PEBP4: variants seen among roughly 807,000 people sequenced by gnomAD.
The protein encoded by PEBP4 is phosphatidylethanolamine binding protein 4.
In PEBP4, 22 loss-of-function variants were observed where a neutral mutation model predicts 23.9. The ratio of observed to expected loss-of-function variants is 0.92; its 90% CI spans 0.66 to 1.31. The LOEUF (loss-of-function observed/expected upper bound fraction) is 1.31, where lower values mean the gene tolerates loss of function less well. Among genes scored for constraint, PEBP4 ranks in the 40% most tolerant of loss-of-function variants. The probability of loss-of-function intolerance (pLI) is 0.00; values close to 1 mark genes in which losing one functional copy is unlikely to be tolerated. For synonymous variants in PEBP4, 112 were observed against 99.3 expected (o/e 1.13, Z -0.76); for missense variants, 324 against 281.7 (o/e 1.15, Z -1.07).
intron 3 of PEBP4, among the ~76,000 whole-genome samples, chr8:22,882,459 A>G (rs1361818041): frequency 1.3e-5 from 2 of 152,170 alleles, no homozygotes; most frequent in Admixed American, 1.3e-4. Flanking sequence ...GGTGGTGTGG[A>G]GAATGTACCA....
intron 4 of PEBP4, among the ~76,000 whole-genome samples, chr8:22,794,097 C>T (rs569534514): frequency 6.6e-6 from 1 of 152,052 alleles, no homozygotes; most frequent in South Asian, 2.1e-4. Context: ...TTTTTCATAT[C>T]TTTATATTGT....
At chr8:22,924,634 A>G in intron 2 of PEBP4, 3 of 983,576 alleles carry the variant, frequency 3.1e-6, no homozygotes, top group Non-Finnish European at 3.6e-6. Flanking sequence ...GGAGCTTTTC[A>G]ACACCAAAAA....
Position 22,927,711 on chromosome 8 carries a change from C to T in PEBP4, c.4G>A (p.Gly2Ser). The change falls in exon 2 of 7, where the codon GGT (glycine) becomes AGT (serine). Residue 2 changes from glycine (G) to serine (S), a missense_variant. Gly to Ser is a moderately conservative substitution (Grantham distance 56). Coordinates refer to ENST00000256404, the MANE Select transcript of PEBP4 (RefSeq NM_144962.3). ...GCTGTGACCAGCCTCATTGTCCAAC[C>T]CATGGGCACCTGGAACAGAAAGAAC... is the stretch of plus-strand genomic sequence containing the variant. MGWTMRLVTAAL... is the reference protein window; with the variant it reads MSWTMRLVTAAL... The T allele has an allele frequency of 1.2e-6, 2 of 1,613,558 alleles. No homozygotes were observed. Among genetic ancestry groups the T allele is most frequent in the Non-Finnish European group, 1.7e-6 (2 of 1,179,712 alleles).
intron 4 of PEBP4, among the ~76,000 whole-genome samples, chr8:22,779,977 G>C (rs1805883999): frequency 6.6e-6 from 1 of 151,220 alleles, no homozygotes; most frequent in Admixed American, 6.6e-5. Context: ...TTGAGACAGG[G>C]TCTCACTGTT....
upstream of PEBP4, among the ~76,000 whole-genome samples, chr8:22,930,369 A>G (rs1335590922): frequency 6.6e-6 from 1 of 151,914 alleles, no homozygotes; most frequent in Non-Finnish European, 1.5e-5. Flanking sequence ...TGCTTTCTTC[A>G]TTATTCTCAT....
intron 3 of PEBP4, among the ~76,000 whole-genome samples, chr8:22,872,542 T>C (rs1294651940): frequency 1.3e-5 from 2 of 152,212 alleles, no homozygotes; most frequent in Non-Finnish European, 2.9e-5. Flanking sequence ...AAGTCTTTTG[T>C]TCAGTACGTG....
At chr8:22,792,209 C>T (rs191824635) in intron 4 of PEBP4, among the ~76,000 whole-genome samples, 52 of 152,190 alleles carry the variant, frequency 3.4e-4, no homozygotes, top group African/African-American at 1.2e-3. Flanking sequence ...TCTGTGTGGA[C>T]AGTCACAGAG....
chr8:22,843,243 G>A (rs1251513137), intron 3 of PEBP4, among the ~76,000 whole-genome samples: 1 of 152,184 alleles, frequency 6.6e-6, no homozygotes, highest in Admixed American at 6.5e-5. Flanking sequence ...GATTACAGGT[G>A]TAAGCCACTG....
chr8:22,784,623 A>G (rs987704255), intron 4 of PEBP4, among the ~76,000 whole-genome samples: 1 of 152,226 alleles, frequency 6.6e-6, no homozygotes, highest in Non-Finnish European at 1.5e-5. Flanking sequence ...GGAGAAGCTA[A>G]TTAACAAACC....
intron 3 of PEBP4, among the ~76,000 whole-genome samples, chr8:22,860,071 C>T (rs2128768496): frequency 7.3e-6 from 1 of 136,640 alleles, no homozygotes; most frequent in Non-Finnish European, 1.5e-5. Flanking sequence ...GAGCTATGAT[C>T]ATGTCACTGC....
At chr8:22,787,492 C>T (rs1418321097) in intron 4 of PEBP4, among the ~76,000 whole-genome samples, 1 of 152,212 alleles carries the variant, frequency 6.6e-6, no homozygotes, top group Non-Finnish European at 1.5e-5. Flanking sequence ...TGTCCCATGG[C>T]ACCCATACCC....
chr8:22,887,923 G>A (rs938754033), intron 3 of PEBP4: 1 of 152,162 alleles, frequency 6.6e-6, no homozygotes, highest in African/African-American at 2.4e-5. Context: ...TGGGAGGGAG[G>A]TTAGCTTTTC....
At chr8:22,715,606 C>T (rs1488667732) in intron 6 of PEBP4, among the ~76,000 whole-genome samples, 1 of 152,202 alleles carries the variant, frequency 6.6e-6, no homozygotes, top group South Asian at 2.1e-4. Flanking sequence ...GAGTCCAGAG[C>T]GAGAGCTGGC....
chr8:22,918,924 TGTGTGCACATGTGCACACATGTGCAC>T (rs1034125664), intron 3 of PEBP4, among the ~76,000 whole-genome samples: 31 of 139,234 alleles, frequency 2.2e-4, no homozygotes, highest in African/African-American at 6.9e-4. Flanking sequence ...TGCAAGTGTG[TGTGTGCACATGTGCACACATGTGCAC>T]GTGTGCACTT....
At chr8:22,926,112 A>G (rs927686699) in intron 2 of PEBP4, among the ~76,000 whole-genome samples, 2 of 151,822 alleles carry the variant, frequency 1.3e-5, no homozygotes, top group African/African-American at 4.8e-5. Context: ...AGTAGCTGGG[A>G]TTACAGGTGT....
intron 4 of PEBP4, 110 bp from the exon 5 acceptor site, chr8:22,727,330 G>T (rs62494329): frequency 1.9e-6 from 2 of 1,028,926 alleles, no homozygotes; most frequent in South Asian, 1.4e-5. Context: ...GGAGAGGAAG[G>T]AGGATGGGAG....
At chr8:22,778,414 C>T (rs977345570) in intron 4 of PEBP4, among the ~76,000 whole-genome samples, 2 of 146,530 alleles carry the variant, frequency 1.4e-5, no homozygotes, top group Non-Finnish European at 3.0e-5. Flanking sequence ...GATGGAGTTT[C>T]GCTCTTGTTG....
intron 6 of PEBP4, among the ~76,000 whole-genome samples, chr8:22,716,589 T>C (rs1804424264): frequency 6.6e-6 from 1 of 152,206 alleles, no homozygotes; most frequent in Admixed American, 6.6e-5. Flanking sequence ...TGACAGTCAC[T>C]CTCTCCACCC....
intron 4 of PEBP4, among the ~76,000 whole-genome samples, chr8:22,728,517 C>T (rs966347311): frequency 6.6e-6 from 1 of 150,692 alleles, no homozygotes; most frequent in African/African-American, 2.5e-5. Flanking sequence ...TCCTTCATTC[C>T]TTGCTGGCTT....
Sources: allele counts gnomAD v4.1 joint callset (sites outside exome capture counted in the v4.1 genomes callset), GRCh38; gene constraint gnomAD v4.1.1; transcripts MANE v1.5; gene names NCBI Gene and HGNC (gene_info 2026-07-23, HGNC 2026-07-21).